The following HPSE2 variants were observed in gnomAD, a reference collection of about 807,000 sequenced individuals.
HPSE2 encodes the protein inactive heparanase-2.
A neutral mutation model predicts 60.5 loss-of-function variants in HPSE2; 38 were observed. The ratio of observed to expected loss-of-function variants is 0.63; its 90% CI spans 0.48 to 0.82. HPSE2 has a LOEUF of 0.82. Among genes scored for constraint, HPSE2 ranks in the 40% least tolerant of loss-of-function variants. HPSE2 has a pLI of 0.00. For synonymous variants in HPSE2, 295 were observed against 293.2 expected (o/e 1.01, Z -0.06); for missense variants, 713 against 740.4 (o/e 0.96, Z 0.43).
At chr10:99,185,790 AAAAAG>A (rs549318664) in intron 2 of HPSE2, among the ~76,000 whole-genome samples, 266 of 152,092 alleles carry the variant, frequency 1.7e-3, no homozygotes, top group Admixed American at 4.9e-3. Context: ...AAAGAAAAAG[AAAAAG>A]AAAAGAAAAA....
At chr10:98,587,284 G>A (rs1391798683) in intron 9 of HPSE2, among the ~76,000 whole-genome samples, 2 of 152,156 alleles carry the variant, frequency 1.3e-5, no homozygotes, top group Non-Finnish European at 2.9e-5. Context: ...GCAGAGCAGA[G>A]CAAAGCACAC....
At chr10:98,878,926 A>G (rs1952946101) in intron 3 of HPSE2, among the ~76,000 whole-genome samples, 1 of 151,988 alleles carries the variant, frequency 6.6e-6, no homozygotes, top group Non-Finnish European at 1.5e-5. Context: ...GATAGATTAA[A>G]TATCTGGCAA....
rs193117433 is a variant in HPSE2, at chr10:98,889,308, G to A, written c.611-145252C>T. Among the ~76,000 whole-genome samples, 349 of 151,748 alleles carry A rather than the reference G, an allele frequency of 2.3e-3. 1 individual carries two copies. Among genetic ancestry groups the A allele is most frequent in the Non-Finnish European group, 3.6e-3 (245 of 67,914 alleles). On this transcript the variant is annotated intron_variant, in intron 3 of 11. Coordinates refer to ENST00000370552, the MANE Select transcript of HPSE2 (RefSeq NM_021828.5). ...AGCGATCCTCCTACCTCAGCCTCCCGAGTAGCTGGGACCACAGGTATGTAC... is the reference window on the plus strand; with the variant it reads ...AGCGATCCTCCTACCTCAGCCTCCCAAGTAGCTGGGACCACAGGTATGTAC...
chr10:98,778,848 A>G (rs1482292760), intron 3 of HPSE2, among the ~76,000 whole-genome samples: 4 of 152,174 alleles, frequency 2.6e-5, no homozygotes, highest in African/African-American at 9.7e-5. Context: ...AATAAATTAC[A>G]AAGGAGATTA....
intron 3 of HPSE2, among the ~76,000 whole-genome samples, chr10:99,073,901 T>C (rs1173519559): frequency 6.6e-6 from 1 of 151,634 alleles, no homozygotes; most frequent in East Asian, 1.9e-4. Flanking sequence ...TGATTTTGAA[T>C]CCTAAAACTT....
At chr10:98,606,021 C>G (rs1331070485) in intron 9 of HPSE2, among the ~76,000 whole-genome samples, 1 of 152,202 alleles carries the variant, frequency 6.6e-6, no homozygotes, top group East Asian at 1.9e-4. Context: ...GCTTCCTACA[C>G]AGCATTCAGA....
intron 9 of HPSE2, among the ~76,000 whole-genome samples, chr10:98,497,941 T>A (rs1156398496): frequency 6.6e-6 from 1 of 152,236 alleles, no homozygotes. Flanking sequence ...CTTAATTTTA[T>A]GAACTTTGGC....
intron 3 of HPSE2, among the ~76,000 whole-genome samples, chr10:98,887,230 A>C (rs1953191483): frequency 1.3e-5 from 2 of 152,134 alleles, no homozygotes; most frequent in African/African-American, 4.8e-5. Context: ...CTAAATTCCA[A>C]GACTGGATCT....
chr10:98,470,513 C>A (rs778528420), intron 11 of HPSE2, among the ~76,000 whole-genome samples: 6 of 152,234 alleles, frequency 3.9e-5, no homozygotes, highest in Admixed American at 6.5e-5. Flanking sequence ...ATTCAGGGCC[C>A]AGGCCCCACT....
intron 9 of HPSE2, among the ~76,000 whole-genome samples, chr10:98,499,750 C>T (rs1941968309): frequency 6.6e-6 from 1 of 152,136 alleles, no homozygotes. Flanking sequence ...GATAAGAACT[C>T]AACAACCAAC....
At chr10:98,477,452 T>C (rs1222182248) in intron 11 of HPSE2, among the ~76,000 whole-genome samples, 1 of 152,184 alleles carries the variant, frequency 6.6e-6, no homozygotes, top group Non-Finnish European at 1.5e-5. Flanking sequence ...TCAGGATTCT[T>C]AGCATCCGCT....
the HPSE2 span, among the ~76,000 whole-genome samples, chr10:99,313,622 A>C: frequency 6.7e-5 from 1 of 15,036 alleles, no homozygotes; most frequent in East Asian, 1.5e-3. Flanking sequence ...TTTTTTTGAG[A>C]CGGAGTCTCA....
chr10:99,158,005 CTCA>C (rs1223923307), intron 2 of HPSE2, among the ~76,000 whole-genome samples: 2 of 145,520 alleles, frequency 1.4e-5, no homozygotes, highest in African/African-American at 4.9e-5. Context: ...TGAAAAAATG[CTCA>C]TCATCTCTGG....
chr10:98,775,390 T>C (rs945579), intron 3 of HPSE2, among the ~76,000 whole-genome samples: 8,254 of 152,200 alleles, frequency 0.054, 714 homozygotes, highest in African/African-American at 0.18. Flanking sequence ...CAGTCTCACA[T>C]ACATCGAAGG....
chr10:98,712,255 TTTG>T (rs149181494), intron 5 of HPSE2, among the ~76,000 whole-genome samples: 2,049 of 151,194 alleles, frequency 0.014, 38 homozygotes, highest in African/African-American at 0.046. Flanking sequence ...TGACAGTATT[TTTG>T]TTGTTGTTGT....
intron 3 of HPSE2, among the ~76,000 whole-genome samples, chr10:98,999,867 C>T (rs566310255): frequency 1.3e-5 from 2 of 152,208 alleles, no homozygotes; most frequent in South Asian, 2.1e-4. Context: ...TGGGGAGCCA[C>T]TATAGTTCTT....
At chr10:99,258,358 G>A in the HPSE2 span, among the ~76,000 whole-genome samples, 1 of 151,686 alleles carries the variant, frequency 6.6e-6, no homozygotes, top group South Asian at 2.1e-4. Context: ...AACATTGAGA[G>A]ATAAATGAAA....
intron 9 of HPSE2, among the ~76,000 whole-genome samples, chr10:98,514,660 C>T (rs184397823): frequency 3.3e-5 from 5 of 149,922 alleles, no homozygotes; most frequent in African/African-American, 9.8e-5. Flanking sequence ...CTTCTGGTCA[C>T]AGCATCTGGA....
intron 3 of HPSE2, among the ~76,000 whole-genome samples, chr10:98,817,531 T>C (rs1052743189): frequency 5.3e-5 from 8 of 152,292 alleles, no homozygotes; most frequent in African/African-American, 1.9e-4. Flanking sequence ...TGCTTCTCGC[T>C]AGAGCAGTCT....
Sources: allele counts gnomAD v4.1 joint callset (sites outside exome capture counted in the v4.1 genomes callset), GRCh38; gene constraint gnomAD v4.1.1; transcripts MANE v1.5; gene names NCBI Gene and HGNC (gene_info 2026-07-23, HGNC 2026-07-21).